The following TXNRD1 variants were observed in gnomAD, a reference collection of about 807,000 sequenced individuals.
TXNRD1 encodes the protein thioredoxin reductase 1, cytoplasmic.
A neutral mutation model predicts 80.3 loss-of-function variants in TXNRD1; 57 were observed. The ratio of observed to expected loss-of-function variants is 0.71; its 90% CI spans 0.57 to 0.89. The LOEUF (loss-of-function observed/expected upper bound fraction) is 0.89, where lower values mean the gene tolerates loss of function less well. TXNRD1 is among the 40% of genes least tolerant of loss of function. The probability of loss-of-function intolerance (pLI) is 0.00; values close to 1 mark genes in which losing one functional copy is unlikely to be tolerated. For missense variants in TXNRD1, 730 were observed against 803.0 expected, an observed-to-expected ratio of 0.91 and a Z score of 1.10; for synonymous variants, 291 against 285.2, an observed-to-expected ratio of 1.02 and a Z score of -0.20.
chr12:104,252,690 A>ATAT (rs2033152006), intron 2 of TXNRD1, among the ~76,000 whole-genome samples: 11 of 39,658 alleles, frequency 2.8e-4, no homozygotes, highest in Non-Finnish European at 4.5e-4. Flanking sequence ...ATATATATAT[A>ATAT]TTTTTTTTTT....
intron 1 of TXNRD1, among the ~76,000 whole-genome samples, chr12:104,244,125 A>G (rs1321961401): frequency 6.6e-6 from 1 of 152,202 alleles, no homozygotes; most frequent in Non-Finnish European, 1.5e-5. Context: ...CTCCAAAGAG[A>G]TAAGTATCAG....
intron 1 of TXNRD1, among the ~76,000 whole-genome samples, chr12:104,222,022 A>C (rs187380419): frequency 6.6e-6 from 1 of 152,046 alleles, no homozygotes; most frequent in East Asian, 1.9e-4. Context: ...TGGGAAAATG[A>C]GTGTAGTGTG....
intron 3 of TXNRD1, among the ~76,000 whole-genome samples, chr12:104,283,916 G>A (rs1206355031): frequency 6.6e-6 from 1 of 152,080 alleles, no homozygotes; most frequent in Non-Finnish European, 1.5e-5. Context: ...CCAAAATCCT[G>A]ACTGTGGCCT....
chr12:104,227,043 T>C (rs1352581141), intron 1 of TXNRD1, among the ~76,000 whole-genome samples: 3 of 152,158 alleles, frequency 2.0e-5, no homozygotes, highest in Non-Finnish European at 4.4e-5. Flanking sequence ...AAGATTTGGG[T>C]AGAGGAATTT....
intron 1 of TXNRD1, chr12:104,224,728 C>T (rs1243733487): frequency 1.2e-5 from 5 of 425,992 alleles, no homozygotes; most frequent in Admixed American, 7.7e-5. Context: ...TAGTTCATGG[C>T]ACATAGTAGA....
At chr12:104,345,832 G>C (rs889784652) in intron 16 of TXNRD1, among the ~76,000 whole-genome samples, 1 of 152,138 alleles carries the variant, frequency 6.6e-6, no homozygotes, top group African/African-American at 2.4e-5. Context: ...GGCTGGAAGT[G>C]GTGGGGACAG....
chr12:104,289,570 G>A (rs1230474408), intron 4 of TXNRD1: 1 of 152,898 alleles, frequency 6.5e-6, no homozygotes, highest in Non-Finnish European at 1.5e-5. Context: ...AGAGTTAATA[G>A]TTGGGTGAAG....
chr12:104,272,962 C>T (rs1362189641), intron 3 of TXNRD1, among the ~76,000 whole-genome samples: 2 of 151,330 alleles, frequency 1.3e-5, no homozygotes, highest in African/African-American at 4.9e-5. Flanking sequence ...TGCACTCCAG[C>T]CTGGGTGACA....
intron 1 of TXNRD1, among the ~76,000 whole-genome samples, chr12:104,219,039 C>T (rs1773946767): frequency 6.6e-6 from 1 of 152,184 alleles, no homozygotes; most frequent in South Asian, 2.1e-4. Flanking sequence ...AACTGCTGGG[C>T]TCAAGTAATC....
intron 4 of TXNRD1, among the ~76,000 whole-genome samples, chr12:104,289,993 A>G (rs546805301): frequency 2.6e-4 from 39 of 152,330 alleles, no homozygotes; most frequent in African/African-American, 9.4e-4. Context: ...GTGATGTTCT[A>G]TCTCACCTGT....
chr12:104,343,728 G>A (rs1279339145), intron 16 of TXNRD1, among the ~76,000 whole-genome samples: 2 of 152,112 alleles, frequency 1.3e-5, no homozygotes, highest in African/African-American at 4.8e-5. Flanking sequence ...TTGAACCCAG[G>A]AGGCAGAGGT....
At chr12:104,249,231 G>A (rs111466755) in intron 1 of TXNRD1, among the ~76,000 whole-genome samples, 63 of 152,298 alleles carry the variant, frequency 4.1e-4, no homozygotes, top group African/African-American at 1.4e-3. Context: ...GTCCTCACAT[G>A]GTGGAAGGGG....
rs771157795 is a variant in TXNRD1 at position 104,304,787 on chromosome 12, C to T, written c.415-6503C>T. On this transcript the variant is annotated intron_variant, in intron 4 of 16. Transcript: ENST00000525566. ...TGAAGACAGGCTGCCAATATTAGAG[C>T]CGATGAATGTTAACCAAATGGGTGA... The T allele has an allele frequency of 1.2e-6, 2 of 1,613,742 alleles. No individual in the cohort carries two copies. Among genetic ancestry groups the T allele is most frequent in the Admixed American group, 1.7e-5 (1 of 59,984 alleles).
intron 3 of TXNRD1, among the ~76,000 whole-genome samples, chr12:104,268,321 C>A (rs1334214674): frequency 1.3e-5 from 2 of 150,480 alleles, no homozygotes; most frequent in African/African-American, 4.9e-5. Flanking sequence ...ACCATCCTGG[C>A]TAACATGGTA....
Position 104,315,688 on chromosome 12 carries a change from T to G in TXNRD1, c.611-89T>G, listed in dbSNP as rs2035300361. ...TAAGCAAATATAATACAATATTTCT[T>G]AGAGTTGTAATAATTGTTGACTTTG... On this transcript the variant is annotated intron_variant, in intron 6 of 16. Coordinates refer to ENST00000525566, the MANE Select transcript of TXNRD1 (RefSeq NM_001093771.3). 2.1e-5 allele frequency: 30 copies of G among 1,399,288 alleles called. No individual in the cohort carries two copies. In the South Asian group the frequency reaches 3.7e-4, roughly 17 times the overall value. 86.7% of individuals were successfully genotyped at this position (1,399,288 alleles called of 1,614,324 possible). A position where few individuals can be genotyped will look rare whatever the true frequency, so the allele number is the denominator to read the frequency against.
At chr12:104,263,594 A>G (rs1163992802) in intron 3 of TXNRD1, among the ~76,000 whole-genome samples, 1 of 152,172 alleles carries the variant, frequency 6.6e-6, no homozygotes, top group Non-Finnish European at 1.5e-5. Context: ...GTGTCTTCCT[A>G]GGAGCTTTGA....
Position 104,319,664 on chromosome 12 carries a change from C to G in TXNRD1, c.989+79C>G, listed in dbSNP as rs1421313433. 3.8e-6 allele frequency: 4 copies of G among 1,050,036 alleles called. No homozygotes were observed. The African/African-American group carries it at 6.5e-5, about 17-fold the overall frequency. 65.0% of individuals were successfully genotyped at this position (1,050,036 alleles called of 1,614,324 possible). A position where few individuals can be genotyped will look rare whatever the true frequency, so the allele number is the denominator to read the frequency against. ...GCATTTTTCTTCAAACCCACTGCGT[C>G]AATTTCTTGGGCTTCAGACAGATTT... On this transcript the variant is annotated intron_variant, in intron 9 of 16. Coordinates refer to ENST00000525566, the MANE Select transcript of TXNRD1 (RefSeq NM_001093771.3).
At chr12:104,308,488 T>C (rs2035012615) in intron 4 of TXNRD1, among the ~76,000 whole-genome samples, 1 of 152,116 alleles carries the variant, frequency 6.6e-6, no homozygotes, top group Admixed American at 6.5e-5. Flanking sequence ...TAAAAATACG[T>C]TAACATTTAA....
chr12:104,348,232 GT>G lies in TXNRD1; in HGVS notation c.1882-117del, dbSNP rs907259157. On this transcript the variant is annotated intron_variant, in intron 16 of 16. Coordinates refer to ENST00000525566, the MANE Select transcript of TXNRD1 (RefSeq NM_001093771.3). ...ATATCCTTGATCATACTACTTCTCTGTTTTATTCATTTTGGTAGTCGCCTAA... is the reference window on the plus strand; with the variant it reads ...ATATCCTTGATCATACTACTTCTCTGTTTATTCATTTTGGTAGTCGCCTAA... 7.6e-5 allele frequency: 62 copies of G among 813,540 alleles called. No homozygotes were observed. In the African/African-American group the frequency reaches 9.2e-4, roughly 12 times the overall value. The allele number at this position is 813,540 out of a possible 1,614,324, so 50.4% of individuals were successfully genotyped here.
Sources: gnomAD v4.1 joint callset for allele counts (sites outside exome capture counted in the v4.1 genomes callset) on GRCh38, gnomAD v4.1.1 for gene constraint, MANE v1.5 for transcripts, NCBI Gene and HGNC (gene_info 2026-07-23, HGNC 2026-07-21) for gene names.